GUCY1A2: variants seen among roughly 807,000 people sequenced by gnomAD.
GUCY1A2 encodes guanylate cyclase soluble subunit alpha-2.
Under a neutral mutation model 63.5 loss-of-function variants are expected in GUCY1A2, and 27 were observed. The observed-to-expected ratio is 0.43, with a 90% CI of 0.31 to 0.59. The LOEUF (loss-of-function observed/expected upper bound fraction) is 0.59. Ranked by LOEUF, GUCY1A2 falls within the 20% of genes least tolerant of loss-of-function variation. The pLI is 0.11. For synonymous variants in GUCY1A2, 364 were observed against 343.5 expected (o/e 1.06, Z -0.66); for missense variants, 768 against 913.3 (o/e 0.84, Z 2.05).
chr11:106,954,535 A>G (rs984561134), intron 3 of GUCY1A2, among the ~76,000 whole-genome samples: 8 of 152,222 alleles, frequency 5.3e-5, no homozygotes, highest in African/African-American at 1.9e-4. Flanking sequence ...CACGTGATCC[A>G]GAGCTGAGTT....
chr11:106,716,240 G>C (rs1863211418), intron 6 of GUCY1A2, among the ~76,000 whole-genome samples: 1 of 152,152 alleles, frequency 6.6e-6, no homozygotes, highest in African/African-American at 2.4e-5. Context: ...AGATCATATA[G>C]CACAGGGTTT....
intron 4 of GUCY1A2, among the ~76,000 whole-genome samples, chr11:106,930,202 G>A (rs542180148): frequency 1.3e-5 from 2 of 152,222 alleles, no homozygotes; most frequent in East Asian, 3.9e-4. Flanking sequence ...AAAGAAATGG[G>A]AACAAACAAG....
chr11:106,731,241 G>A lies in GUCY1A2; in HGVS notation c.1837-22575C>T, dbSNP rs1212834351. Among the ~76,000 whole-genome samples the A allele has an allele frequency of 4.6e-5, 7 of 152,090 alleles. No individual in the cohort carries two copies. The East Asian group carries it at 1.4e-3, about 29-fold the overall frequency. ...TTATAGTTTTAGGTTATACATTTAT[G>A]CCTTTAATGTGATTCATCACCTAAA... On this transcript the variant is annotated intron_variant, in intron 6 of 7. Coordinates refer to ENST00000526355, the MANE Select transcript of GUCY1A2 (RefSeq NM_000855.3).
At chr11:106,727,804 C>G (rs1003151801) in intron 6 of GUCY1A2, among the ~76,000 whole-genome samples, 1 of 152,168 alleles carries the variant, frequency 6.6e-6, no homozygotes, top group African/African-American at 2.4e-5. Flanking sequence ...CCTACTTTAG[C>G]AGGGATTTTC....
chr11:106,746,743 T>A, intron 6 of GUCY1A2: 1 of 613,720 alleles, frequency 1.6e-6, no homozygotes, highest in Non-Finnish European at 2.9e-6. Context: ...GCCATGATTT[T>A]GTAGTTTATG....
At chr11:106,790,943 T>G (rs1261482291) in intron 5 of GUCY1A2, among the ~76,000 whole-genome samples, 1 of 152,198 alleles carries the variant, frequency 6.6e-6, no homozygotes, top group African/African-American at 2.4e-5. Flanking sequence ...TTGCACTGCC[T>G]GGGGTTGAGG....
At chr11:106,709,938 T>C (rs1863063785) in intron 6 of GUCY1A2, among the ~76,000 whole-genome samples, 1 of 132,068 alleles carries the variant, frequency 7.6e-6, no homozygotes, top group Non-Finnish European at 1.6e-5. Context: ...ATATATTATA[T>C]ACATGTATAT....
At chr11:106,765,087 C>T (rs1864139842) in intron 6 of GUCY1A2, among the ~76,000 whole-genome samples, 1 of 151,746 alleles carries the variant, frequency 6.6e-6, no homozygotes, top group Non-Finnish European at 1.5e-5. Context: ...TTTTTAACCC[C>T]AATGTCTTTT....
intron 6 of GUCY1A2, among the ~76,000 whole-genome samples, chr11:106,760,473 AT>A (rs1276540613): frequency 9.2e-5 from 14 of 152,294 alleles, no homozygotes; most frequent in African/African-American, 3.1e-4. Flanking sequence ...GTGAGCATAT[AT>A]TTTTTATAAC....
At chr11:106,809,890 T>G (rs957993053) in intron 5 of GUCY1A2, 103 bp downstream of exon 5, 3 of 713,346 alleles carry the variant, frequency 4.2e-6, no homozygotes, top group African/African-American at 3.6e-5. Context: ...AATTAAAGAG[T>G]TGTCAATTAT....
intron 6 of GUCY1A2, among the ~76,000 whole-genome samples, chr11:106,763,688 G>C (rs987584267): frequency 2.0e-5 from 3 of 151,976 alleles, no homozygotes; most frequent in Middle Eastern, 3.2e-3. Context: ...ATTTTGACTT[G>C]AGAGCCAAGA....
At position 106,799,995 on chromosome 11, in the gene GUCY1A2, G is replaced by C. The variant is rs527940354; in HGVS notation, c.1692+9998C>G. 2.0e-5 allele frequency among the ~76,000 whole-genome samples: 3 copies of C among 152,238 alleles called. No homozygotes were observed. The East Asian group carries it at 5.8e-4, about 29-fold the overall frequency. On this transcript the variant is annotated intron_variant, in intron 5 of 7. Coordinates refer to ENST00000526355, the MANE Select transcript of GUCY1A2 (RefSeq NM_000855.3). ...GAAAATTTTTGCAATTTACTCATCT[G>C]ACAAAGGGCTAATATCCAGAATCTA...
intron 4 of GUCY1A2, among the ~76,000 whole-genome samples, chr11:106,872,509 AG>A (rs1859693553): frequency 6.6e-6 from 1 of 152,198 alleles, no homozygotes; most frequent in Non-Finnish European, 1.5e-5. Flanking sequence ...CTAGAAGATA[AG>A]GAACAGACAC....
At chr11:107,012,711 G>T (rs370679308) in intron 1 of GUCY1A2, among the ~76,000 whole-genome samples, 19 of 152,138 alleles carry the variant, frequency 1.2e-4, no homozygotes, top group Admixed American at 3.9e-4. Context: ...TCTGATTTCA[G>T]ATTATAGTAT....
intron 6 of GUCY1A2, among the ~76,000 whole-genome samples, chr11:106,756,255 T>C (rs1312700146): frequency 6.6e-6 from 1 of 152,216 alleles, no homozygotes; most frequent in Non-Finnish European, 1.5e-5. Context: ...GCACATGAGA[T>C]GGGTCTCCTG....
At chr11:106,995,303 C>T (rs561149324) in intron 1 of GUCY1A2, among the ~76,000 whole-genome samples, 3 of 151,908 alleles carry the variant, frequency 2.0e-5, no homozygotes, top group African/African-American at 4.8e-5. Context: ...AGTATTACCC[C>T]GGTTTTATGA....
intron 4 of GUCY1A2, among the ~76,000 whole-genome samples, chr11:106,930,521 G>A (rs749069008): frequency 1.3e-5 from 2 of 152,124 alleles, no homozygotes; most frequent in Non-Finnish European, 2.9e-5. Context: ...CCCTATCAAA[G>A]CATATGTAAA....
At chr11:106,938,637 C>A (rs1565337450) in intron 4 of GUCY1A2, among the ~76,000 whole-genome samples, 2 of 152,124 alleles carry the variant, frequency 1.3e-5, no homozygotes, top group Admixed American at 6.5e-5. Flanking sequence ...CGTTTAATCA[C>A]TGAAAGCATA....
chr11:106,914,538 A>AGC (rs1860342776), intron 4 of GUCY1A2, among the ~76,000 whole-genome samples: 1 of 152,102 alleles, frequency 6.6e-6, no homozygotes, highest in African/African-American at 2.4e-5. Context: ...TACGTCCAGT[A>AGC]AGTACAAATA....
Sources: gnomAD v4.1 joint callset for allele counts (sites outside exome capture counted in the v4.1 genomes callset) on GRCh38, gnomAD v4.1.1 for gene constraint, MANE v1.5 for transcripts, NCBI Gene and HGNC (gene_info 2026-07-23, HGNC 2026-07-21) for gene names.